BANP: variants seen among roughly 807,000 people sequenced by gnomAD.
BANP encodes BTG3 associated nuclear protein, also known as protein BANP.
Under a neutral mutation model 68.1 loss-of-function variants are expected in BANP, and 11 were observed. The observed-to-expected ratio is 0.16, with a 90% confidence interval of 0.10 to 0.27. The LOEUF is 0.27. Among genes scored for constraint, BANP ranks in the 10% least tolerant of loss-of-function variants. The pLI is 1.00. For synonymous variants in BANP, 329 were observed against 303.2 expected, an observed-to-expected ratio of 1.09 and a Z score of -0.88; for missense variants, 504 against 722.7, an observed-to-expected ratio of 0.70 and a Z score of 3.47.
At chr16:87,976,699 G>A (rs1341560377) in intron 2 of BANP, among the ~76,000 whole-genome samples, 1 of 152,120 alleles carries the variant, frequency 6.6e-6, no homozygotes, top group Non-Finnish European at 1.5e-5. Flanking sequence ...TGCTTTGTTA[G>A]TCGAGAAAAC....
At chr16:88,011,624 C>T (rs772900731) in intron 6 of BANP, among the ~76,000 whole-genome samples, 1 of 152,188 alleles carries the variant, frequency 6.6e-6, no homozygotes, top group Non-Finnish European at 1.5e-5. Context: ...AGTTTGTAAA[C>T]TGAGGTCTCT....
At chr16:87,965,501 G>T (rs1381091418) in intron 1 of BANP, among the ~76,000 whole-genome samples, 1 of 152,016 alleles carries the variant, frequency 6.6e-6, no homozygotes, top group African/African-American at 2.4e-5. Flanking sequence ...GCACATGCCC[G>T]AGGAGGCAGG....
intron 7 of BANP, among the ~76,000 whole-genome samples, chr16:88,023,645 C>T (rs879617162): frequency 3.3e-5 from 5 of 152,226 alleles, no homozygotes; most frequent in Non-Finnish European, 7.3e-5. Context: ...AGATGACAAG[C>T]CCTCCTGGCT....
intron 1 of BANP, among the ~76,000 whole-genome samples, chr16:87,965,306 G>C (rs1200836209): frequency 1.3e-5 from 2 of 152,294 alleles, no homozygotes; most frequent in East Asian, 3.9e-4. Context: ...GGTGGGATCT[G>C]GAGGGGATGT....
At chr16:87,989,199 G>A (rs755434344) in intron 4 of BANP, among the ~76,000 whole-genome samples, 5 of 152,208 alleles carry the variant, frequency 3.3e-5, no homozygotes, top group African/African-American at 9.7e-5. Flanking sequence ...TCCAACAGTC[G>A]TCATCGACTT....
rs534197168 is a variant in BANP at position 87,986,918 on chromosome 16, A to T, written c.362+2659A>T. On this transcript the variant is annotated intron_variant, in intron 4 of 13. Transcript: ENST00000682872. ...TTGTAGAATATATTTATTGTATATC[A>T]GCATGGGGATTATTAATATTGCTAA... Among the ~76,000 whole-genome samples the T allele has an allele frequency of 3.3e-5, 5 of 152,350 alleles. No individual in the cohort carries two copies. The South Asian group carries it at 1.0e-3, about 32-fold the overall frequency.
intron 11 of BANP, among the ~76,000 whole-genome samples, chr16:88,042,149 G>A (rs918839712): frequency 1.3e-5 from 2 of 152,242 alleles, no homozygotes; most frequent in African/African-American, 2.4e-5. Context: ...GAGGTCAGAC[G>A]GAGCCCCCGG....
chr16:88,065,362 A>AC lies in BANP; in HGVS notation c.1377+33dup. The AC allele has an allele frequency of 4.0e-6, 3 of 747,310 alleles. No homozygotes were observed. In the South Asian group the frequency reaches 4.2e-5, roughly 10 times the overall value. 46.3% of individuals were successfully genotyped at this position (747,310 alleles called of 1,614,324 possible). A position where few individuals can be genotyped will look rare whatever the true frequency, so the allele number is the denominator to read the frequency against. On this transcript the variant is annotated intron_variant, in intron 12 of 13. Coordinates refer to ENST00000682872, the MANE Select transcript of BANP (RefSeq NM_001386991.1). ...GTCCTTTGTACATCCCATCTCTCCC[A>AC]CCCTCTGTGGCTGGGAGGAGTCTCT... is the stretch of plus-strand genomic sequence containing the variant.
intron 6 of BANP, among the ~76,000 whole-genome samples, chr16:88,008,868 T>C (rs562764538): frequency 2.0e-5 from 3 of 152,250 alleles, no homozygotes; most frequent in African/African-American, 7.2e-5. Context: ...GGAGAGGTCA[T>C]CATCCAGAGC....
intron 4 of BANP, among the ~76,000 whole-genome samples, chr16:87,991,721 T>C (rs1025910999): frequency 2.0e-5 from 3 of 152,234 alleles, no homozygotes; most frequent in Admixed American, 6.5e-5. Context: ...AGCAGTACAA[T>C]AGATTTTTCT....
Position 88,027,621 on chromosome 16 carries a change from C to G in BANP, c.1034C>G (p.Thr345Arg). The G allele has an allele frequency of 6.2e-7, 1 of 1,613,676 alleles. No individual in the cohort carries two copies. The highest frequency in any genetic ancestry group is 1.1e-5 in the South Asian group (1 of 91,072). ...SLAVKSFSRR[T>R]PNSSSYCPSE... ...GCGGTCAAGAGCTTCTCGCGGAGAA[C>G]GCCCAACTCGTCCTCCTACTGCCCT... The change falls in exon 8 of 14, where the codon ACG (threonine) becomes AGG (arginine). Residue 345 changes from threonine to arginine, a missense_variant. Transcript: ENST00000682872.
At chr16:87,968,026 T>C (rs1462628194) in intron 1 of BANP, among the ~76,000 whole-genome samples, 4 of 151,368 alleles carry the variant, frequency 2.6e-5, no homozygotes, top group Non-Finnish European at 5.9e-5. Flanking sequence ...AGTGCTGGGA[T>C]TACAGGCGTG....
chr16:87,970,881 C>G (rs1175510214), intron 1 of BANP, among the ~76,000 whole-genome samples: 1 of 152,050 alleles, frequency 6.6e-6, no homozygotes, highest in Non-Finnish European at 1.5e-5. Flanking sequence ...GCCAGGTGTG[C>G]TGGTGGGCAC....
intron 1 of BANP, among the ~76,000 whole-genome samples, chr16:87,969,135 C>T (rs1318643915): frequency 6.6e-6 from 1 of 152,154 alleles, no homozygotes; most frequent in Non-Finnish European, 1.5e-5. Context: ...TTCGGGGGCT[C>T]TTGTTGACTC....
chr16:88,010,172 C>A (rs112501685), intron 6 of BANP, among the ~76,000 whole-genome samples: 1,641 of 152,306 alleles, frequency 0.011, 24 homozygotes, highest in African/African-American at 0.036. Flanking sequence ...AAGCTGCCAG[C>A]TGAGTTAGAG....
At chr16:88,031,949 C>T (rs1479838978) in intron 8 of BANP, among the ~76,000 whole-genome samples, 6 of 151,908 alleles carry the variant, frequency 3.9e-5, no homozygotes, top group African/African-American at 7.2e-5. Context: ...GGACTACAGA[C>T]GCGTGCCACC....
chr16:88,020,326 C>T (rs1414571339), intron 7 of BANP, among the ~76,000 whole-genome samples: 1 of 152,238 alleles, frequency 6.6e-6, no homozygotes, highest in African/African-American at 2.4e-5. Flanking sequence ...GGCCCACCAC[C>T]CCCTCCACCC....
At chr16:87,954,934 G>A (rs369796792) in intron 1 of BANP, among the ~76,000 whole-genome samples, 208 of 152,344 alleles carry the variant, frequency 1.4e-3, no homozygotes, top group African/African-American at 4.9e-3. Context: ...CACAGTCAAC[G>A]GGGTGAGGTG....
chr16:88,056,665 A>C (rs2085121095), intron 11 of BANP, among the ~76,000 whole-genome samples: 1 of 152,204 alleles, frequency 6.6e-6, no homozygotes, highest in South Asian at 2.1e-4. Context: ...CCTTTTGTTT[A>C]GCCCCGCATC....
Sources: gnomAD v4.1 joint callset for allele counts (sites outside exome capture counted in the v4.1 genomes callset) on GRCh38, gnomAD v4.1.1 for gene constraint, MANE v1.5 for transcripts, NCBI Gene and HGNC (gene_info 2026-07-23, HGNC 2026-07-21) for gene names.